The following GAK variants were observed in gnomAD, a reference collection of about 807,000 sequenced individuals.
The protein encoded by GAK is cyclin G associated kinase, also known as cyclin-G-associated kinase.
A neutral mutation model predicts 143.9 loss-of-function variants in GAK; 79 were observed. The ratio of observed to expected loss-of-function variants is 0.55; its 90% CI spans 0.46 to 0.66. The LOEUF is 0.66. Among genes scored for constraint, GAK ranks in the 30% least tolerant of loss-of-function variants. GAK has a pLI of 0.00. For synonymous variants in GAK, 881 were observed against 765.5 expected, an observed-to-expected ratio of 1.15 and a Z score of -2.49; for missense variants, 1,693 against 1,779.7, an observed-to-expected ratio of 0.95 and a Z score of 0.88.
chr4:850,092 G>A (rs374157547), intron 26 of GAK, 24 bp from the exon 27 acceptor site: 91 of 1,542,408 alleles, frequency 5.9e-5, no homozygotes, highest in Middle Eastern at 1.7e-4. Context: ...GGAGCTTGCC[G>A]AGCCCTGGGC....
In GAK at chr4:883,442, C is replaced by T. The variant is rs535792816; in HGVS notation, c.1277G>A (p.Gly426Asp). The T allele has an allele frequency of 5.6e-6, 9 of 1,613,656 alleles. No individual in the cohort carries two copies. The highest frequency in any genetic ancestry group is 7.6e-6 in the Non-Finnish European group (9 of 1,180,010). Residue 426 changes from glycine (G) to aspartate (D), a missense_variant, in exon 13 of 28, where the codon GGT (glycine) becomes GAT (aspartate). Gly to Asp is a moderately conservative substitution (Grantham distance 94, BLOSUM62 -1). This residue lies in a region of GAK where 871 missense variants were observed against 991.0 expected (regional missense o/e 0.88). Transcript: ENST00000314167. ...GTTGTTTTTGAGCGCTGACTCCACA[C>T]CTTCTGCTGGGAATGACATCACTGA... Reference protein sequence around the residue: ...RIAVMSFPAEGVESALKNNIE... With the variant: ...RIAVMSFPAEDVESALKNNIE...
At position 903,334 on chromosome 4, in the gene GAK, C is replaced by T. The variant is rs558378493; in HGVS notation, c.525+1303G>A. On this transcript the variant is annotated intron_variant, in intron 5 of 27. Transcript: ENST00000314167. ...AGGAGAGATGGGCAGGAGAGTCTGC[C>T]GGTGAACGGAAGGGGAGGTGCAGTG... Among the ~76,000 whole-genome samples the T allele has an allele frequency of 1.6e-4, 24 of 152,330 alleles. 1 individual carries two copies. In the East Asian group the frequency reaches 3.9e-3, roughly 24 times the overall value.
At chr4:857,033 G>C (rs551374701) in intron 24 of GAK, among the ~76,000 whole-genome samples, 4 of 152,086 alleles carry the variant, frequency 2.6e-5, no homozygotes, top group African/African-American at 9.7e-5. Flanking sequence ...CAGTTAATAT[G>C]ATATCAGATT....
At chr4:911,874 C>T (rs1722101992) in intron 3 of GAK, 87 bp from the exon 4 acceptor site, 1 of 1,030,726 alleles carries the variant, frequency 9.7e-7, no homozygotes, top group Non-Finnish European at 1.5e-6. Flanking sequence ...TATTAACACA[C>T]TGAAGTCAGA....
chr4:917,159 T>TAC (rs1392564177), intron 1 of GAK, among the ~76,000 whole-genome samples: 52 of 151,996 alleles, frequency 3.4e-4, no homozygotes, highest in African/African-American at 1.0e-3. Flanking sequence ...AGAGAGTACA[T>TAC]ACACACATAC....
chr4:903,181 C>T (rs981651230), intron 5 of GAK, among the ~76,000 whole-genome samples: 15 of 152,228 alleles, frequency 9.9e-5, no homozygotes, highest in Admixed American at 3.3e-4. Context: ...AGCGCGAGCC[C>T]AGCCCCAGTC....
intron 4 of GAK, among the ~76,000 whole-genome samples, chr4:908,356 G>A (rs994200390): frequency 6.6e-6 from 1 of 152,110 alleles, no homozygotes; most frequent in Non-Finnish European, 1.5e-5. Context: ...TGGATGGAAC[G>A]AAGCGACCGC....
At chr4:899,175 C>T (rs1290211840) in intron 5 of GAK, among the ~76,000 whole-genome samples, 1 of 152,240 alleles carries the variant, frequency 6.6e-6, no homozygotes, top group Non-Finnish European at 1.5e-5. Context: ...CCCCAGCTCA[C>T]ACAATCAAGG....
chr4:863,047 G>A (rs1750576021), intron 23 of GAK, among the ~76,000 whole-genome samples: 4 of 152,182 alleles, frequency 2.6e-5, no homozygotes, highest in Admixed American at 2.6e-4. Context: ...ACAACCTTCT[G>A]GAAAGGATTC....
chr4:882,507 G>A (rs1379071811), intron 14 of GAK, among the ~76,000 whole-genome samples, 190 bp downstream of exon 14: 1 of 152,204 alleles, frequency 6.6e-6, no homozygotes, highest in Non-Finnish European at 1.5e-5. Context: ...GCCACATGGG[G>A]AGGGAAGGGC....
chr4:890,509 CG>C, intron 10 of GAK, 22 bp downstream of exon 10: 2 of 1,561,204 alleles, frequency 1.3e-6, no homozygotes, highest in Non-Finnish European at 1.7e-6. Context: ...GGACAGGTGG[CG>C]GGCACAGGAC....
intron 23 of GAK, among the ~76,000 whole-genome samples, chr4:862,947 G>A (rs992025497): frequency 3.9e-5 from 6 of 152,258 alleles, no homozygotes; most frequent in African/African-American, 1.2e-4. Flanking sequence ...TCAAGGAGTC[G>A]TGTCGACTTC....
intron 4 of GAK, among the ~76,000 whole-genome samples, chr4:907,148 C>G (rs189219106): frequency 6.6e-6 from 1 of 152,338 alleles, no homozygotes; most frequent in East Asian, 1.9e-4. Flanking sequence ...CGGTCGGGAC[C>G]TGCCACAGCT....
chr4:849,841 C>T (rs964678223), intron 27 of GAK, 51 bp downstream of exon 27: 3 of 1,176,940 alleles, frequency 2.5e-6, no homozygotes, highest in African/African-American at 1.6e-5. Context: ...AGGACCCCCC[C>T]CCCGCCCCGC....
At chr4:921,659 T>C (rs1723945264) in intron 1 of GAK, among the ~76,000 whole-genome samples, 1 of 150,142 alleles carries the variant, frequency 6.7e-6, no homozygotes. Flanking sequence ...TGAAAAACTT[T>C]GGATCTGCAA....
intron 23 of GAK, among the ~76,000 whole-genome samples, chr4:862,069 A>G (rs553171317): frequency 1.1e-4 from 17 of 151,652 alleles, no homozygotes; most frequent in African/African-American, 3.9e-4. Context: ...ACTGATGAAG[A>G]GGCTGCACCC....
Position 896,473 on chromosome 4 carries a change from T to C in GAK, c.728A>G (p.Lys243Arg), listed in dbSNP as rs762828794. Residue 243 changes from lysine (K) to arginine (R), a missense_variant, in exon 7 of 28, where the codon AAG (lysine) becomes AGG (arginine). Coordinates refer to ENST00000314167, the MANE Select transcript of GAK (RefSeq NM_005255.4). The stretch of plus-strand genomic sequence containing the variant: ...GCCAGACCTCACCCAGATATCCTGC[T>C]TCTCGCCGATCGGGAAGTTGGAATA... The part of the protein sequence containing the change: ...DLYSNFPIGE[K>R]QDIWALGCIL... 1.9e-6 allele frequency: 3 copies of C among 1,613,970 alleles called. No individual in the cohort carries two copies. The highest frequency in any genetic ancestry group is 2.5e-6 in the Non-Finnish European group (3 of 1,179,862).
chr4:859,795 G>A (rs1290766380), intron 23 of GAK, 73 bp from the exon 24 acceptor site: 14 of 1,097,288 alleles, frequency 1.3e-5, no homozygotes, highest in Non-Finnish European at 1.7e-5. Flanking sequence ...ACCTCCGATG[G>A]CGCCTCCTTA....
rs1275301417 is a variant in GAK at position 876,561 on chromosome 4, G to C, written c.2023C>G (p.Pro675Ala). 1 of 1,614,070 alleles carries C rather than the reference G, an allele frequency of 6.2e-7. No homozygotes were observed. Among genetic ancestry groups the C allele is most frequent in the Non-Finnish European group, 8.5e-7 (1 of 1,180,024 alleles). The change falls in exon 18 of 28, where the codon CCT becomes GCT. Residue 675 changes from proline (P) to alanine (A), a missense_variant. Physicochemically the swap from Pro to Ala is conservative, Grantham distance 27. This residue lies in a region of GAK where 871 missense variants were observed against 991.0 expected (regional missense o/e 0.88). Transcript: ENST00000314167. ...FQIQFHTGFV[P>A]RNATTVKFAK... ...AATTTCACAGTGGTGGCGTTCCGAGGCACAAACCCCGTGTGGAACTGAATC... is the reference window on the plus strand; with the variant it reads ...AATTTCACAGTGGTGGCGTTCCGAGCCACAAACCCCGTGTGGAACTGAATC...
Sources: allele counts gnomAD v4.1 joint callset (sites outside exome capture counted in the v4.1 genomes callset), GRCh38; gene constraint gnomAD v4.1.1; regional missense constraint gnomAD v4.1.1; transcripts MANE v1.5; gene names NCBI Gene and HGNC (gene_info 2026-07-23, HGNC 2026-07-21).